DDX53: variants seen among roughly 807,000 people sequenced by gnomAD.
DDX53 encodes the protein DEAD-box helicase 53.
For missense variants in DDX53, 481 were observed against 485.1 expected (o/e 0.99, Z 0.08); for synonymous variants, 179 against 170.8 (o/e 1.05, Z -0.37).
At position 23,001,393 on chromosome X, in the gene DDX53, A is replaced by G; in HGVS notation, c.1336A>G (p.Ile446Val). 5 of 1,208,820 alleles carry G rather than the reference A, an allele frequency of 4.1e-6. No individual in the cohort carries two copies. The highest frequency in any genetic ancestry group is 5.6e-6 in the Non-Finnish European group (5 of 893,663). ...VAVNTVKQNI[I>V]VTTEKEKRAL... ...TGTAAATACAGTGAAGCAAAATATA[A>G]TTGTTACCACAGAAAAAGAAAAACG... Residue 446 changes from isoleucine to valine, a missense_variant, in exon 1 of 1, where the codon ATT (isoleucine) becomes GTT (valine). By Grantham distance (29) the Ile-to-Val change is conservative. Coordinates refer to ENST00000327968, the MANE Select transcript of DDX53 (RefSeq NM_182699.4).
chrX:23,000,562 G>A lies in DDX53; in HGVS notation c.505G>A (p.Ala169Thr). The A allele has an allele frequency of 1.7e-6, 2 of 1,210,799 alleles. No individual in the cohort carries two copies. Among genetic ancestry groups the A allele is most frequent in the African/African-American group, 1.7e-5 (1 of 57,544 alleles). ...AVVECEKRKW[A>T]DLPPVKKNFY... ...CGTGGAGTGCGAAAAGAGAAAATGGGCAGATCTACCACCAGTTAAGAAAAA... is the reference window on the plus strand; with the variant it reads ...CGTGGAGTGCGAAAAGAGAAAATGGACAGATCTACCACCAGTTAAGAAAAA... Residue 169 changes from alanine to threonine, a missense_variant, in exon 1 of 1, where the codon GCA (alanine) becomes ACA (threonine). Ala to Thr is a moderately conservative substitution (Grantham distance 58). Transcript: ENST00000327968.
rs140780616 is a variant in DDX53 at position 23,001,412 on chromosome X, A to G, written c.1355A>G (p.Glu452Gly). The part of the protein sequence containing the change: ...KQNIIVTTEK[E>G]KRALTQEFVE... ...AATATAATTGTTACCACAGAAAAAGAAAAACGAGCTCTCACCCAAGAATTC... is the reference window on the plus strand; with the variant it reads ...AATATAATTGTTACCACAGAAAAAGGAAAACGAGCTCTCACCCAAGAATTC... The change falls in exon 1 of 1, where the codon GAA becomes GGA. Residue 452 changes from glutamate to glycine, a missense_variant. By Grantham distance (98) the Glu-to-Gly change is moderately conservative (BLOSUM62 -2). Coordinates refer to ENST00000327968, the MANE Select transcript of DDX53 (RefSeq NM_182699.4). 9.5e-5 allele frequency: 115 copies of G among 1,206,811 alleles called. No individual in the cohort carries two copies. The highest frequency in any genetic ancestry group is 1.2e-4 in the Non-Finnish European group (109 of 893,559).
chrX:23,001,337 T>C lies in DDX53; in HGVS notation c.1280T>C (p.Ile427Thr). 1 of 1,211,485 alleles carries C rather than the reference T, an allele frequency of 8.3e-7. No individual in the cohort carries two copies. Residue 427 changes from isoleucine to threonine, a missense_variant, in exon 1 of 1, where the codon ATT (isoleucine) becomes ACT (threonine). By Grantham distance (89) the Ile-to-Thr change is moderately conservative. Transcript: ENST00000327968. Reference sequence around the variant, plus strand: ...CTTTCTTATTTGAAAGATCCTATGATTGTTTATGTTGGTAATCTGAATCTA... The same window carrying C: ...CTTTCTTATTTGAAAGATCCTATGACTGTTTATGTTGGTAATCTGAATCTA... ...LALSYLKDPM[I>T]VYVGNLNLVA...
At position 23,002,827 on chromosome X, in the gene DDX53, G is replaced by T. The variant is rs1327803790; in HGVS notation, c.*874G>T. On this transcript the variant is annotated 3_prime_UTR_variant, in exon 1 of 1. Transcript: ENST00000327968. Reference sequence around the variant, plus strand: ...TGTTAAAGAAACACGTGTCATGGGGGTTTACTGTACATATTATTTCGTCAC... The same window carrying T: ...TGTTAAAGAAACACGTGTCATGGGGTTTTACTGTACATATTATTTCGTCAC... 2 of 123,636 alleles carry T rather than the reference G, an allele frequency of 1.6e-5. No homozygotes were observed. Among genetic ancestry groups the T allele is most frequent in the African/African-American group, 3.2e-5 (1 of 30,880 alleles). 10.2% of individuals were successfully genotyped at this position (123,636 alleles called of 1,213,427 possible). A position where few individuals can be genotyped will look rare whatever the true frequency, so the allele number is the denominator to read the frequency against.
rs1482908200 is a variant in DDX53 at position 23,002,335 on chromosome X, T to A, written c.*382T>A. ...TCTCAAAAATGAGAGAGAGACTATG[T>A]GAAGAGAAGGTAAATGTTATGTGTT... On this transcript the variant is annotated 3_prime_UTR_variant, in exon 1 of 1. Coordinates refer to ENST00000327968, the MANE Select transcript of DDX53 (RefSeq NM_182699.4). 1 of 134,727 alleles carries A rather than the reference T, an allele frequency of 7.4e-6. No homozygotes were observed. Among genetic ancestry groups the A allele is most frequent in the Non-Finnish European group, 1.7e-5 (1 of 60,528 alleles). The allele number at this position is 134,727 out of a possible 1,213,427, so 11.1% of individuals were successfully genotyped here.
In DDX53 at chrX:23,002,176, G is replaced by A. The variant is rs779768341; in HGVS notation, c.*223G>A. The A allele has an allele frequency of 1.2e-4, 38 of 304,579 alleles. No individual in the cohort carries two copies. The South Asian group carries it at 6.9e-3, about 55-fold the overall frequency. 25.1% of individuals were successfully genotyped at this position (304,579 alleles called of 1,213,427 possible). On this transcript the variant is annotated 3_prime_UTR_variant, in exon 1 of 1. Coordinates refer to ENST00000327968, the MANE Select transcript of DDX53 (RefSeq NM_182699.4). ...AAGAGAAAGTGAATGTTACGTGTTG[G>A]TTAAAGTTTAATTTCTCTTAAAAAT... is the stretch of plus-strand genomic sequence containing the variant.
In DDX53 at chrX:23,000,123, G is replaced by A; in HGVS notation, c.66G>A (p.Trp22Ter). The A allele has an allele frequency of 8.5e-7, 1 of 1,183,126 alleles. No homozygotes were observed. The highest frequency in any genetic ancestry group is 2.4e-5 in the Admixed American group (1 of 41,883). Residue 22 changes from tryptophan (W) to a stop codon, truncating the protein, a stop_gained, in exon 1 of 1, where the codon TGG becomes TGA. Coordinates refer to ENST00000327968, the MANE Select transcript of DDX53 (RefSeq NM_182699.4). LOFTEE classifies it low-confidence loss of function (END_TRUNC). ...EANPRDLGAS[W>*]DVRGSRGSGW... is the part of the protein sequence containing the mutation. ...ATCCAAGAGACCTTGGGGCCAGCTG[G>A]GATGTCAGGGGCAGCAGAGGCAGTG...
At position 23,003,403 on chromosome X, in the gene DDX53, T is replaced by C. The variant is rs1933845270; in HGVS notation, c.*1450T>C. 1 of 123,408 alleles carries C rather than the reference T, an allele frequency of 8.1e-6. No homozygotes were observed. Among genetic ancestry groups the C allele is most frequent in the African/African-American group, 3.2e-5 (1 of 30,835 alleles). 10.2% of individuals were successfully genotyped at this position (123,408 alleles called of 1,213,427 possible). ...CTCTGAGGAAATCACTTGCCTTCTC[T>C]AGGCCTCAATTTCTCTACTCATAAA... is the stretch of plus-strand genomic sequence containing the variant. On this transcript the variant is annotated 3_prime_UTR_variant, in exon 1 of 1. Coordinates refer to ENST00000327968, the MANE Select transcript of DDX53 (RefSeq NM_182699.4).
Position 23,000,207 on chromosome X carries a change from A to C in DDX53, c.150A>C (p.Pro50=), listed in dbSNP as rs768704838. 2 of 1,194,250 alleles carry C rather than the reference A, an allele frequency of 1.7e-6. No homozygotes were observed. The highest frequency in any genetic ancestry group is 2.3e-6 in the Non-Finnish European group (2 of 886,297). ...GPRAAGSREP[P]LCFKIKNNMV... is the part of the protein sequence containing the mutation. ...GAGCAGCAGGCTCCCGTGAACCACC[A>C]CTCTGCTTTAAAATAAAGAACAATA... Residue 50 remains proline, a synonymous_variant, in exon 1 of 1, where the codon CCA becomes CCC. Transcript: ENST00000327968.
At position 23,000,919 on chromosome X, in the gene DDX53, C is replaced by G. The variant is rs1222520926; in HGVS notation, c.862C>G (p.Pro288Ala). ...MPGFIHLDSQ[P>A]ISREQRNGPG... ...TGGGTTTATTCATCTTGATTCTCAA[C>G]CAATATCTAGAGAGCAAAGGAATGG... The change falls in exon 1 of 1, where the codon CCA becomes GCA. Residue 288 changes from proline (P) to alanine (A), a missense_variant. Transcript: ENST00000327968. The G allele has an allele frequency of 5.8e-6, 7 of 1,209,163 alleles. No homozygotes were observed. The highest frequency in any genetic ancestry group is 7.8e-6 in the Non-Finnish European group (7 of 894,186).
In DDX53 at chrX:23,001,700, T is replaced by C. The variant is rs1933816287; in HGVS notation, c.1643T>C (p.Ile548Thr). The C allele has an allele frequency of 5.0e-6, 6 of 1,209,465 alleles. No homozygotes were observed. Among genetic ancestry groups the C allele is most frequent in the Middle Eastern group, 4.6e-4 (2 of 4,351 alleles). The change falls in exon 1 of 1, where the codon ATT becomes ACT. Residue 548 changes from isoleucine to threonine, a missense_variant. Physicochemically the swap from Ile to Thr is moderately conservative, Grantham distance 89 (BLOSUM62 -1). Coordinates refer to ENST00000327968, the MANE Select transcript of DDX53 (RefSeq NM_182699.4). Reference sequence around the variant, plus strand: ...TATAATTATGATTTCCCAAGGAATATTGACGTATATGTACACAGAGTAGGG... The same window carrying C: ...TATAATTATGATTTCCCAAGGAATACTGACGTATATGTACACAGAGTAGGG... ...HVYNYDFPRNIDVYVHRVGYI... is the reference protein window; with the variant it reads ...HVYNYDFPRNTDVYVHRVGYI...
Position 23,000,804 on chromosome X carries a change from G to T in DDX53, c.747G>T (p.Gln249His). Residue 249 changes from glutamine to histidine, a missense_variant, in exon 1 of 1, where the codon CAG (glutamine) becomes CAT (histidine). Physicochemically the swap from Gln to His is conservative, Grantham distance 24. Transcript: ENST00000327968. ...GGATTGTAAAGCCAACGCCAATTCA[G>T]TCACAGGCATGGCCAATTATTCTAC... is the stretch of plus-strand genomic sequence containing the variant. Reference protein sequence around the residue: ...RVGIVKPTPIQSQAWPIILQG... With the variant: ...RVGIVKPTPIHSQAWPIILQG... 11 of 1,212,036 alleles carry T rather than the reference G, an allele frequency of 9.1e-6. No homozygotes were observed. Among genetic ancestry groups the T allele is most frequent in the Non-Finnish European group, 1.2e-5 (11 of 895,551 alleles).
rs368652147 is a variant in DDX53, at chrX:23,001,067, G to A, written c.1010G>A (p.Gly337Glu). ...ICIYGGRNRN[G>E]QIEDISKGVD... ...ATATATGGTGGTAGAAACAGAAATG[G>A]ACAAATAGAAGACATTAGCAAAGGT... Residue 337 changes from glycine (G) to glutamate (E), a missense_variant, in exon 1 of 1, where the codon GGA (glycine) becomes GAA (glutamate). Transcript: ENST00000327968. 1.7e-6 allele frequency: 2 copies of A among 1,206,246 alleles called. No homozygotes were observed. The highest frequency in any genetic ancestry group is 3.5e-5 in the African/African-American group (2 of 57,131).
In DDX53 at chrX:23,003,002, T is replaced by C; in HGVS notation, c.*1049T>C. 1 of 123,311 alleles carries C rather than the reference T, an allele frequency of 8.1e-6. No individual in the cohort carries two copies. The highest frequency in any genetic ancestry group is 3.7e-4 in the South Asian group (1 of 2,675). 10.2% of individuals were successfully genotyped at this position (123,311 alleles called of 1,213,427 possible). A position where few individuals can be genotyped will look rare whatever the true frequency, so the allele number is the denominator to read the frequency against. ...TGCTTCCCACTTATAAGTGAGAACA[T>C]GTGGTATTTGAGTTTCTGTTCTTGT... On this transcript the variant is annotated 3_prime_UTR_variant, in exon 1 of 1. Coordinates refer to ENST00000327968, the MANE Select transcript of DDX53 (RefSeq NM_182699.4).
Position 23,003,264 on chromosome X carries a change from T to A in DDX53, c.*1311T>A, listed in dbSNP as rs1012414043. The A allele has an allele frequency of 8.1e-6, 1 of 123,928 alleles. No homozygotes were observed. The highest frequency in any genetic ancestry group is 3.6e-4 in the South Asian group (1 of 2,746). The allele number at this position is 123,928 out of a possible 1,213,427, so 10.2% of individuals were successfully genotyped here. On this transcript the variant is annotated 3_prime_UTR_variant, in exon 1 of 1. Transcript: ENST00000327968. ...ATTAGAAAATAAGTGCTAAATTTTT[T>A]AGAAGATTCCACAATTCTATTTTTA...
Position 23,001,604 on chromosome X carries a change from G to A in DDX53, c.1547G>A (p.Gly516Glu), listed in dbSNP as rs897011639. Residue 516 changes from glycine (G) to glutamate (E), a missense_variant, in exon 1 of 1, where the codon GGA becomes GAA. Transcript: ENST00000327968. ...CGAGCAGTAGAGGACTTTAAAAGCG[G>A]AAACATAAAGATACTGATTACAACT... ...QERAVEDFKSGNIKILITTDI... is the reference protein window; with the variant it reads ...QERAVEDFKSENIKILITTDI... 1 of 1,210,526 alleles carries A rather than the reference G, an allele frequency of 8.3e-7. No individual in the cohort carries two copies. Among genetic ancestry groups the A allele is most frequent in the South Asian group, 1.8e-5 (1 of 56,697 alleles).
In DDX53 at chrX:23,002,093, T is replaced by C. The variant is rs1045879799; in HGVS notation, c.*140T>C. On this transcript the variant is annotated 3_prime_UTR_variant, in exon 1 of 1. Transcript: ENST00000327968. ...AATAATACTGCTAAACTTTCAATATTGTGTATGCTCCTTAATTTTAAAAAA... is the reference window on the plus strand; with the variant it reads ...AATAATACTGCTAAACTTTCAATATCGTGTATGCTCCTTAATTTTAAAAAA... The C allele has an allele frequency of 2.1e-6, 1 of 482,918 alleles. No individual in the cohort carries two copies. Among genetic ancestry groups the C allele is most frequent in the South Asian group, 6.5e-5 (1 of 15,393 alleles). The allele number at this position is 482,918 out of a possible 1,213,427, so 39.8% of individuals were successfully genotyped here. A position where few individuals can be genotyped will look rare whatever the true frequency, so the allele number is the denominator to read the frequency against.
chrX:23,000,669 G>A lies in DDX53; in HGVS notation c.612G>A (p.Thr204=). 1 of 1,211,923 alleles carries A rather than the reference G, an allele frequency of 8.3e-7. No individual in the cohort carries two copies. The highest frequency in any genetic ancestry group is 1.1e-6 in the Non-Finnish European group (1 of 895,538). The part of the protein sequence containing the change: ...INWRKENFNI[T]CDDLKSGEKR... ...GGAGAAAGGAAAATTTCAACATAACGTGTGATGACTTGAAAAGTGGTGAAA... is the reference window on the plus strand; with the variant it reads ...GGAGAAAGGAAAATTTCAACATAACATGTGATGACTTGAAAAGTGGTGAAA... Residue 204 remains threonine (T), a synonymous_variant, in exon 1 of 1, where the codon ACG becomes ACA. Coordinates refer to ENST00000327968, the MANE Select transcript of DDX53 (RefSeq NM_182699.4).
rs1429974995 is a variant in DDX53 at position 22,999,999 on chromosome X, C to A, written c.-59C>A. On this transcript the variant is annotated 5_prime_UTR_variant, in exon 1 of 1. Coordinates refer to ENST00000327968, the MANE Select transcript of DDX53 (RefSeq NM_182699.4). ...AAGGTGACGGGAAACAGGCCGCAGA[C>A]CTGAACTTCCAACCGTATGTAGGCG... The A allele has an allele frequency of 2.1e-6, 2 of 963,926 alleles. No homozygotes were observed. Among genetic ancestry groups the A allele is most frequent in the African/African-American group, 4.0e-5 (2 of 49,635 alleles). The allele number at this position is 963,926 out of a possible 1,213,427, so 79.4% of individuals were successfully genotyped here.
Sources: allele counts gnomAD v4.1 joint callset, GRCh38; gene constraint gnomAD v4.1.1; transcripts MANE v1.5; gene names NCBI Gene and HGNC (gene_info 2026-07-23, HGNC 2026-07-21).